The following NTRK3 variants were observed in gnomAD, a reference collection of about 807,000 sequenced individuals.
NTRK3 encodes the protein NT-3 growth factor receptor.
A neutral mutation model predicts 91.7 loss-of-function variants in NTRK3; 24 were observed. The ratio of observed to expected loss-of-function variants is 0.26; its 90% confidence interval spans 0.19 to 0.37. The LOEUF (loss-of-function observed/expected upper bound fraction) is 0.37, where lower values mean the gene tolerates loss of function less well. NTRK3 is among the 10% of genes least tolerant of loss of function. The pLI is 1.00. For synonymous variants in NTRK3, 483 were observed against 404.0 expected (o/e 1.20, Z -2.34); for missense variants, 880 against 1,068.9 (o/e 0.82, Z 2.46).
At chr15:87,869,089 T>C (rs1160418253) in exon 19 of NTRK3, 2 of 228,562 alleles carry the variant, frequency 8.8e-6, no homozygotes, top group Non-Finnish European at 1.7e-5. Flanking sequence ...GTGTTTTTCA[T>C]GCCTTAATTT....
intron 14 of NTRK3, among the ~76,000 whole-genome samples, chr15:87,945,086 G>A (rs1024865014): frequency 2.0e-5 from 3 of 152,216 alleles, no homozygotes; most frequent in Non-Finnish European, 4.4e-5. Flanking sequence ...GGAAGGGGAG[G>A]CAGGGAGGGG....
intron 13 of NTRK3, among the ~76,000 whole-genome samples, chr15:88,089,966 G>C (rs997847142): frequency 6.6e-6 from 1 of 152,046 alleles, no homozygotes. Context: ...CTGCACCACC[G>C]GTCCAGCCAC....
chr15:88,050,022 A>G (rs139746267), intron 13 of NTRK3, among the ~76,000 whole-genome samples: 145 of 152,334 alleles, frequency 9.5e-4, no homozygotes, highest in Admixed American at 1.8e-3. Flanking sequence ...TGAATGGGCT[A>G]TTGACTATTT....
At chr15:88,203,429 TGTCA>T (rs370736090) in intron 3 of NTRK3, among the ~76,000 whole-genome samples, 115 of 152,302 alleles carry the variant, frequency 7.6e-4, no homozygotes, top group African/African-American at 2.6e-3. Context: ...TTTTACTGTG[TGTCA>T]GTCTCTGCAT....
chr15:87,958,840 A>G (rs1458669412), intron 14 of NTRK3, among the ~76,000 whole-genome samples: 2 of 151,952 alleles, frequency 1.3e-5, no homozygotes, highest in African/African-American at 2.4e-5. Flanking sequence ...GGCTAACCCA[A>G]GTCATCTTTA....
chr15:88,048,269 T>C (rs553213921), intron 13 of NTRK3, among the ~76,000 whole-genome samples: 1 of 152,278 alleles, frequency 6.6e-6, no homozygotes, highest in African/African-American at 2.4e-5. Flanking sequence ...TTAGAGAAAT[T>C]AGTGCCAATG....
At chr15:87,966,589 C>T (rs2072816197) in intron 14 of NTRK3, among the ~76,000 whole-genome samples, 2 of 152,202 alleles carry the variant, frequency 1.3e-5, no homozygotes, top group South Asian at 2.1e-4. Context: ...ACACAGTAAT[C>T]CTTTGGCCAA....
intron 12 of NTRK3, among the ~76,000 whole-genome samples, chr15:88,126,710 A>C (rs562722602): frequency 1.3e-5 from 2 of 152,210 alleles, no homozygotes; most frequent in South Asian, 4.1e-4. Context: ...CTTCATGTTA[A>C]AATTCCTTAT....
chr15:87,899,951 T>C (rs2066351941), intron 17 of NTRK3, among the ~76,000 whole-genome samples: 1 of 152,136 alleles, frequency 6.6e-6, no homozygotes, highest in Admixed American at 6.5e-5. Flanking sequence ...TTGAATGTAC[T>C]CTTCATCCAA....
chr15:87,878,700 G>C (rs533751442), intron 18 of NTRK3, among the ~76,000 whole-genome samples: 1 of 152,218 alleles, frequency 6.6e-6, no homozygotes, highest in African/African-American at 2.4e-5. Flanking sequence ...GGTGGAGTGG[G>C]GGAAGTGGCT....
chr15:87,989,261 C>T (rs2075094064), intron 14 of NTRK3, among the ~76,000 whole-genome samples: 3 of 152,176 alleles, frequency 2.0e-5, no homozygotes, highest in Admixed American at 1.3e-4. Context: ...CCCAAATGTC[C>T]ATCAATGATA....
At chr15:87,936,568 T>C (rs1169154972) in intron 15 of NTRK3, among the ~76,000 whole-genome samples, 1 of 151,802 alleles carries the variant, frequency 6.6e-6, no homozygotes, top group Non-Finnish European at 1.5e-5. Context: ...GGGGGAGATA[T>C]TTCAAAGAAT....
intron 17 of NTRK3, chr15:87,908,674 G>T (rs1302632299): frequency 5.0e-6 from 2 of 397,238 alleles, no homozygotes; most frequent in Non-Finnish European, 8.9e-6. Flanking sequence ...AAAGCAGGGG[G>T]ATCTTTAACT....
chr15:88,038,375 A>G (rs2079262584), intron 13 of NTRK3, among the ~76,000 whole-genome samples: 1 of 152,232 alleles, frequency 6.6e-6, no homozygotes, highest in African/African-American at 2.4e-5. Context: ...AATAAAAAGC[A>G]CATAGGCCCA....
intron 17 of NTRK3, among the ~76,000 whole-genome samples, chr15:87,905,207 A>T (rs556901751): frequency 6.6e-6 from 1 of 152,200 alleles, no homozygotes; most frequent in Non-Finnish European, 1.5e-5. Context: ...AAACTAAGAA[A>T]CATTGTCTTG....
chr15:88,075,933 G>T (rs915839091), intron 13 of NTRK3, among the ~76,000 whole-genome samples: 1 of 152,200 alleles, frequency 6.6e-6, no homozygotes, highest in African/African-American at 2.4e-5. Context: ...GATCATGTAT[G>T]TGAAGCACTA....
intron 3 of NTRK3, among the ~76,000 whole-genome samples, chr15:88,222,391 C>T (rs1303499902): frequency 1.3e-5 from 2 of 152,184 alleles, no homozygotes; most frequent in Admixed American, 6.5e-5. Context: ...GCAAGAAAAG[C>T]AGCTCTAGTG....
chr15:88,018,517 T>C (rs2077394305), intron 14 of NTRK3, among the ~76,000 whole-genome samples: 1 of 152,200 alleles, frequency 6.6e-6, no homozygotes. Context: ...CTTGCTTCCC[T>C]AGGAAATGCC....
intron 5 of NTRK3, among the ~76,000 whole-genome samples, chr15:88,175,956 G>GGAA (rs1183325629): frequency 6.6e-6 from 1 of 152,070 alleles, no homozygotes; most frequent in Non-Finnish European, 1.5e-5. Flanking sequence ...GATGTTTGAT[G>GGAA]GAAGCTCTGA....
Sources: gnomAD v4.1 joint callset for allele counts (sites outside exome capture counted in the v4.1 genomes callset) on GRCh38, gnomAD v4.1.1 for gene constraint, MANE v1.5 for transcripts, NCBI Gene and HGNC (gene_info 2026-07-23, HGNC 2026-07-21) for gene names.